The following ZFYVE9 variants were observed in gnomAD, a reference collection of about 807,000 sequenced individuals.
ZFYVE9 encodes the protein zinc finger FYVE domain-containing protein 9.
A neutral mutation model predicts 126.7 loss-of-function variants in ZFYVE9; 43 were observed. That is an observed-to-expected ratio of 0.34 (90% CI 0.27 to 0.44). ZFYVE9 has a LOEUF of 0.44. Ranked by LOEUF, ZFYVE9 falls within the 20% of genes least tolerant of loss-of-function variation. The pLI, the probability that ZFYVE9 is intolerant of heterozygous loss-of-function variation, is 1.00. For missense variants in ZFYVE9, 1,476 were observed against 1,697.0 expected, an observed-to-expected ratio of 0.87 and a Z score of 2.29; for synonymous variants, 521 against 597.4, an observed-to-expected ratio of 0.87 and a Z score of 1.87.
chr1:52,199,260 A>G (rs922562453), intron 1 of ZFYVE9, among the ~76,000 whole-genome samples: 4 of 151,734 alleles, frequency 2.6e-5, no homozygotes, highest in Non-Finnish European at 5.9e-5. Flanking sequence ...GTAGAGACGG[A>G]GTTTCACCGT....
chr1:52,229,134 C>G (rs962663922), intron 2 of ZFYVE9, among the ~76,000 whole-genome samples: 1 of 152,090 alleles, frequency 6.6e-6, no homozygotes, highest in Non-Finnish European at 1.5e-5. Context: ...TACCAAAGTA[C>G]TGGGATTACA....
chr1:52,287,130 C>G (rs1645869313), intron 10 of ZFYVE9, among the ~76,000 whole-genome samples: 1 of 152,004 alleles, frequency 6.6e-6, no homozygotes, highest in Non-Finnish European at 1.5e-5. Context: ...CGCTGTGTCG[C>G]CCGGGCCGGA....
At chr1:52,296,178 C>T (rs1435148865) in intron 12 of ZFYVE9, among the ~76,000 whole-genome samples, 1 of 145,306 alleles carries the variant, frequency 6.9e-6, no homozygotes, top group Non-Finnish European at 1.5e-5. Flanking sequence ...CATATGTATA[C>T]ACACACACAC....
At chr1:52,286,056 T>C (rs1645855656) in intron 10 of ZFYVE9, among the ~76,000 whole-genome samples, 1 of 151,422 alleles carries the variant, frequency 6.6e-6, no homozygotes, top group Non-Finnish European at 1.5e-5. Flanking sequence ...CTTGGGAGGC[T>C]GAGGCAGGAG....
At chr1:52,209,660 T>C (rs747907573) in intron 1 of ZFYVE9, among the ~76,000 whole-genome samples, 7 of 152,166 alleles carry the variant, frequency 4.6e-5, no homozygotes, top group Non-Finnish European at 8.8e-5. Context: ...TGTTGTAGCA[T>C]GTATTGGTAT....
chr1:52,160,446 A>G (rs1644446514), intron 1 of ZFYVE9: 7 of 877,892 alleles, frequency 8.0e-6, no homozygotes, highest in South Asian at 2.6e-5. Flanking sequence ...GTGCCTTTCT[A>G]TGTGTGACCT....
intron 12 of ZFYVE9, among the ~76,000 whole-genome samples, chr1:52,301,980 C>A (rs1038945735): frequency 6.6e-6 from 1 of 152,154 alleles, no homozygotes; most frequent in African/African-American, 2.4e-5. Context: ...CAATCTCAAT[C>A]AAATACTTTG....
chr1:52,231,858 C>A (rs1645225733), intron 2 of ZFYVE9, among the ~76,000 whole-genome samples: 1 of 152,070 alleles, frequency 6.6e-6, no homozygotes, highest in Admixed American at 6.6e-5. Flanking sequence ...AACTCCTGAC[C>A]TCAGGTGATC....
intron 1 of ZFYVE9, among the ~76,000 whole-genome samples, chr1:52,213,082 C>T (rs1285160994): frequency 6.6e-6 from 1 of 152,166 alleles, no homozygotes; most frequent in Non-Finnish European, 1.5e-5. Context: ...ATGAATAAGT[C>T]ATTACTGTAA....
At chr1:52,181,961 C>T (rs1361283112) in intron 1 of ZFYVE9, among the ~76,000 whole-genome samples, 8 of 151,362 alleles carry the variant, frequency 5.3e-5, no homozygotes, top group Admixed American at 2.6e-4. Context: ...TGGGGGTCAG[C>T]CACCGCCAGG....
At position 52,239,012 on chromosome 1, in the gene ZFYVE9, G is replaced by A; in HGVS notation, c.1595G>A (p.Gly532Glu). 1 of 1,614,102 alleles carries A rather than the reference G, an allele frequency of 6.2e-7. No homozygotes were observed. Among genetic ancestry groups the A allele is most frequent in the East Asian group, 2.2e-5 (1 of 44,880 alleles). Residue 532 changes from glycine (G) to glutamate (E), a missense_variant, in exon 4 of 19, where the codon GGA (glycine) becomes GAA (glutamate). Physicochemically the swap from Gly to Glu is moderately conservative, Grantham distance 98. This residue lies in a region of ZFYVE9 where 807 missense variants were observed against 794.6 expected (regional missense o/e 1.02). Transcript: ENST00000287727. ...GGAAATGAGGCCACAGAAGGGAGTGGACTACTTTTAAACAGCACTGGTGAC... is the reference window on the plus strand; with the variant it reads ...GGAAATGAGGCCACAGAAGGGAGTGAACTACTTTTAAACAGCACTGGTGAC... The part of the protein sequence containing the change: ...QRGNEATEGS[G>E]LLLNSTGDLM...
intron 2 of ZFYVE9, among the ~76,000 whole-genome samples, chr1:52,230,625 G>A (rs774440764): frequency 6.6e-6 from 1 of 151,920 alleles, no homozygotes; most frequent in South Asian, 2.1e-4. Context: ...TTGAAGGTGG[G>A]GTTTTGCTGG....
intron 1 of ZFYVE9, among the ~76,000 whole-genome samples, chr1:52,210,996 C>T (rs1419776638): frequency 1.3e-5 from 2 of 152,100 alleles, no homozygotes; most frequent in Non-Finnish European, 2.9e-5. Context: ...TGTAGTCAGA[C>T]AGTGGCTGGG....
chr1:52,339,233 T>C (rs147173988), intron 16 of ZFYVE9, among the ~76,000 whole-genome samples: 91 of 152,238 alleles, frequency 6.0e-4, no homozygotes, highest in East Asian at 5.6e-3. Context: ...TTATGACAGA[T>C]ACATAGATAC....
intron 4 of ZFYVE9, among the ~76,000 whole-genome samples, chr1:52,259,625 T>C (rs1017113474): frequency 2.9e-4 from 24 of 84,192 alleles, no homozygotes; most frequent in Non-Finnish European, 4.6e-4. Flanking sequence ...CTGTCTCTAC[T>C]AAAAAAAAAA....
intron 1 of ZFYVE9, among the ~76,000 whole-genome samples, chr1:52,156,786 C>G (rs1477388800): frequency 1.3e-5 from 2 of 152,060 alleles, no homozygotes; most frequent in Non-Finnish European, 2.9e-5. Context: ...ACTCTGTGAC[C>G]CATAGTCTTT....
At chr1:52,216,916 G>T (rs531045346) in intron 2 of ZFYVE9, among the ~76,000 whole-genome samples, 1 of 152,184 alleles carries the variant, frequency 6.6e-6, no homozygotes, top group African/African-American at 2.4e-5. Context: ...CAGAAAACTG[G>T]AAGTATTCTT....
intron 4 of ZFYVE9, among the ~76,000 whole-genome samples, chr1:52,260,231 G>A (rs928521067): frequency 6.6e-6 from 1 of 151,930 alleles, no homozygotes; most frequent in African/African-American, 2.4e-5. Context: ...TAGTCTCATA[G>A]TAAAAACATA....
chr1:52,157,871 C>T (rs1351155565), intron 1 of ZFYVE9, among the ~76,000 whole-genome samples: 1 of 152,174 alleles, frequency 6.6e-6, no homozygotes, highest in Non-Finnish European at 1.5e-5. Context: ...AGGAGCGCCA[C>T]CACTGAACTT....
Sources: allele counts gnomAD v4.1 joint callset (sites outside exome capture counted in the v4.1 genomes callset), GRCh38; gene constraint gnomAD v4.1.1; regional missense constraint gnomAD v4.1.1; transcripts MANE v1.5; gene names NCBI Gene and HGNC (gene_info 2026-07-23, HGNC 2026-07-21).